Variants in MME observed in about 807,000 individuals in gnomAD.
MME encodes membrane metalloendopeptidase.
In MME, 98 loss-of-function variants were observed where a neutral mutation model predicts 113.2. The ratio of observed to expected loss-of-function variants is 0.87; its 90% confidence interval spans 0.74 to 1.02. The LOEUF (loss-of-function observed/expected upper bound fraction) is 1.02. MME is among the 50% of genes least tolerant of loss of function. The pLI is 0.00. For missense variants in MME, 836 were observed against 896.0 expected, an observed-to-expected ratio of 0.93 and a Z score of 0.86; for synonymous variants, 292 against 300.6, an observed-to-expected ratio of 0.97 and a Z score of 0.30.
At position 155,072,396 on chromosome 3, in the gene MME, C is replaced by T. The variant is rs375494455; in HGVS notation, c.-10-11762C>T. The stretch of plus-strand genomic sequence containing the variant: ...AATGCTTGTTTGCATTTTTCTTACC[C>T]ACTAAACTGTGGATTCCCTGATTAC... On this transcript the variant is annotated intron_variant, in intron 1 of 22. Transcript: ENST00000492661. 9.9e-5 allele frequency among the ~76,000 whole-genome samples: 15 copies of T among 152,212 alleles called. 1 individual carries two copies. Among genetic ancestry groups the T allele is most frequent in the Admixed American group, 4.6e-4 (7 of 15,286 alleles).
intron 3 of MME, among the ~76,000 whole-genome samples, chr3:155,109,365 A>T (rs1717976594): frequency 1.3e-5 from 2 of 152,078 alleles, no homozygotes; most frequent in Admixed American, 1.3e-4. Flanking sequence ...TCTGGGTAGG[A>T]GGCTGTGGAG....
chr3:155,049,678 T>TAGAGAG (rs199877623), intron 1 of MME, among the ~76,000 whole-genome samples: 95 of 148,466 alleles, frequency 6.4e-4, no homozygotes, highest in African/African-American at 2.2e-3. Flanking sequence ...TATCTATATA[T>TAGAGAG]AGAGAGAGAA....
intron 1 of MME, among the ~76,000 whole-genome samples, chr3:155,037,263 G>A (rs1308843963): frequency 6.6e-6 from 1 of 152,072 alleles, no homozygotes; most frequent in African/African-American, 2.4e-5. Flanking sequence ...TCTCTTTATT[G>A]TAAATACTGG....
chr3:155,159,590 C>T (rs773574886), intron 16 of MME, among the ~76,000 whole-genome samples: 1 of 152,006 alleles, frequency 6.6e-6, no homozygotes, highest in Non-Finnish European at 1.5e-5. Flanking sequence ...CTCCTATCCT[C>T]ATCCCTCAAA....
At chr3:155,049,670 T>C (rs984729081) in intron 1 of MME, among the ~76,000 whole-genome samples, 2 of 142,742 alleles carry the variant, frequency 1.4e-5, no homozygotes, top group African/African-American at 5.2e-5. Context: ...TATCTATCTA[T>C]CTATATATAG....
At chr3:155,124,446 G>A (rs1322125286) in intron 8 of MME, among the ~76,000 whole-genome samples, 299 of 152,126 alleles carry the variant, frequency 2.0e-3, no homozygotes, top group Non-Finnish European at 3.1e-3. Context: ...ATCCAGCTTT[G>A]TTCCGTTGCT....
At chr3:155,093,804 T>C (rs571390921) in intron 3 of MME, among the ~76,000 whole-genome samples, 16 of 148,146 alleles carry the variant, frequency 1.1e-4, no homozygotes, top group Admixed American at 2.1e-4. Flanking sequence ...TGCAGTGAGC[T>C]GAGATCTTGC....
rs554361088 is a variant in MME, at chr3:155,065,582, G to A, written c.-10-18576G>A. 2.0e-5 allele frequency among the ~76,000 whole-genome samples: 3 copies of A among 152,216 alleles called. No individual in the cohort carries two copies. In the East Asian group the frequency reaches 5.8e-4, roughly 29 times the overall value. ...CTTTTCTTGAAATCTATATAAATAA[G>A]GTGAAATTTTGTCTCTTTATCTGCT... is the stretch of plus-strand genomic sequence containing the variant. On this transcript the variant is annotated intron_variant, in intron 1 of 22. Coordinates refer to the MME transcript ENST00000492661.
chr3:155,035,298 A>G (rs1713094570), intron 1 of MME, among the ~76,000 whole-genome samples: 1 of 148,440 alleles, frequency 6.7e-6, no homozygotes, highest in Non-Finnish European at 1.5e-5. Flanking sequence ...ACTTACCTAT[A>G]AAGCACATTA....
At chr3:155,168,655 T>G in intron 19 of MME, 30 bp downstream of exon 19, 1 of 1,613,680 alleles carries the variant, frequency 6.2e-7, no homozygotes, top group Admixed American at 1.7e-5. Flanking sequence ...TTGAAAAGTT[T>G]TAGACATGTT....
intron 4 of MME, 146 bp downstream of exon 4, chr3:155,115,301 C>A: frequency 2.1e-6 from 2 of 941,016 alleles, no homozygotes; most frequent in South Asian, 1.5e-5. Flanking sequence ...ACCACCAAGT[C>A]ACTCTGATAG....
intron 3 of MME, 182 bp downstream of exon 3, chr3:155,085,276 C>A: frequency 2.0e-6 from 1 of 491,992 alleles, no homozygotes; most frequent in Non-Finnish European, 3.6e-6. Context: ...AACTTGTTTA[C>A]TCTGAAAAAT....
chr3:155,093,427 G>A (rs372432639), intron 3 of MME, among the ~76,000 whole-genome samples: 35 of 152,252 alleles, frequency 2.3e-4, no homozygotes, highest in African/African-American at 8.2e-4. Context: ...ATGTGTCCAG[G>A]TGTACCAGCC....
Position 155,103,944 on chromosome 3 carries a change from G to T in MME, c.197-11050G>T, listed in dbSNP as rs150783612. On this transcript the variant is annotated intron_variant, in intron 3 of 22. Coordinates refer to ENST00000360490, the MANE Select transcript of MME (RefSeq NM_007289.4). ...AGACTCCTTACCTCTAGGTTAGGAG[G>T]AGCTTTACTTATCAACTGAATACAG... is the stretch of plus-strand genomic sequence containing the variant. Among the ~76,000 whole-genome samples the T allele has an allele frequency of 9.9e-4, 151 of 152,268 alleles. 3 individuals are homozygous for T. Among genetic ancestry groups the T allele is most frequent in the African/African-American group, 3.2e-3 (131 of 41,558 alleles).
upstream of MME, among the ~76,000 whole-genome samples, chr3:155,075,168 A>C (rs1000413030): frequency 6.6e-6 from 1 of 151,850 alleles, no homozygotes; most frequent in Admixed American, 6.6e-5. Flanking sequence ...AATTTTATCA[A>C]TGTTATCAGC....
chr3:155,107,222 G>A (rs1717762241), intron 3 of MME, among the ~76,000 whole-genome samples: 1 of 152,104 alleles, frequency 6.6e-6, no homozygotes, highest in South Asian at 2.1e-4. Flanking sequence ...GCGTGGCAGT[G>A]GGTGCCTGTA....
At chr3:155,173,999 G>C (rs80143300) in intron 22 of MME, among the ~76,000 whole-genome samples, 3,267 of 152,142 alleles carry the variant, frequency 0.021, 74 homozygotes, top group East Asian at 0.13. Context: ...TATTTTGTGT[G>C]TGTGTGTTTG....
rs112213933 is a variant in MME, at chr3:155,047,865, T to C, written c.-11+23541T>C. On this transcript the variant is annotated intron_variant, in intron 1 of 22. Transcript: ENST00000492661. ...GTATGATCTGTCTCATTTCTGTAGGTGGTAATTTGAATTTCAGTTCCATGT... is the reference window on the plus strand; with the variant it reads ...GTATGATCTGTCTCATTTCTGTAGGCGGTAATTTGAATTTCAGTTCCATGT... Among the ~76,000 whole-genome samples the C allele has an allele frequency of 8.9e-4, 135 of 152,270 alleles. 1 individual carries two copies. The highest frequency in any genetic ancestry group is 3.1e-3 in the African/African-American group (128 of 41,556).
chr3:155,135,503 T>A (rs1720551432), intron 8 of MME, among the ~76,000 whole-genome samples: 1 of 152,178 alleles, frequency 6.6e-6, no homozygotes, highest in South Asian at 2.1e-4. Flanking sequence ...TGTGTCTATT[T>A]GTGTACCCAG....
Sources: gnomAD v4.1 joint callset for allele counts (sites outside exome capture counted in the v4.1 genomes callset) on GRCh38, gnomAD v4.1.1 for gene constraint, MANE v1.5 for transcripts, NCBI Gene and HGNC (gene_info 2026-07-23, HGNC 2026-07-21) for gene names.